Variants in RBFOX3 observed in about 807,000 individuals in gnomAD.
The protein encoded by RBFOX3 is RNA binding protein fox-1 homolog 3.
A neutral mutation model predicts 48.7 loss-of-function variants in RBFOX3; 17 were observed. That is an observed-to-expected ratio of 0.35 (90% CI 0.24 to 0.52). RBFOX3 has a LOEUF of 0.52. Among genes scored for constraint, RBFOX3 ranks in the 20% least tolerant of loss-of-function variants. The pLI, the probability that RBFOX3 is intolerant of heterozygous loss-of-function variation, is 0.94. For synonymous variants in RBFOX3, 212 were observed against 209.5 expected (o/e 1.01, Z -0.10); for missense variants, 382 against 497.5 (o/e 0.77, Z 2.21).
intron 2 of RBFOX3, among the ~76,000 whole-genome samples, chr17:79,462,230 G>A (rs1189125100): frequency 1.3e-5 from 2 of 152,202 alleles, no homozygotes; most frequent in African/African-American, 2.4e-5. Flanking sequence ...ACACTCATGA[G>A]ATGCATGAAC....
chr17:79,307,306 C>T (rs1021526234), intron 3 of RBFOX3, among the ~76,000 whole-genome samples: 11 of 152,190 alleles, frequency 7.2e-5, no homozygotes, highest in Admixed American at 1.3e-4. Flanking sequence ...AGGTCAGCCC[C>T]GGTGGGAGCC....
rs1374116348 is a variant in RBFOX3, at chr17:79,243,664, T to C, written c.-73-7859A>G. On this transcript the variant is annotated intron_variant, in intron 3 of 14. Coordinates refer to ENST00000693108, the MANE Select transcript of RBFOX3 (RefSeq NM_001350451.2). The surrounding 1 kb of genome is among the most constrained non-coding windows in gnomAD (Gnocchi z 7.9). ...CGCACACCTGTGGACTGAACTGAAC[T>C]CACTGGCCCACCCCTGAGCACCCTT... Among the ~76,000 whole-genome samples, 1 of 152,004 alleles carries C rather than the reference T, an allele frequency of 6.6e-6. No homozygotes were observed. The highest frequency in any genetic ancestry group is 2.4e-5 in the African/African-American group (1 of 41,374).
intron 1 of RBFOX3, among the ~76,000 whole-genome samples, chr17:79,517,192 T>C (rs2085362224): frequency 6.6e-6 from 1 of 152,052 alleles, no homozygotes; most frequent in East Asian, 1.9e-4. Flanking sequence ...ACGTCTGTAA[T>C]CCCAGCACTT....
chr17:79,090,128 G>A lies in RBFOX3; in HGVS notation c.*755C>T, dbSNP rs1320272929. ...AGAGCAAGTAAGTCCTTGGCCTCAG[G>A]GCCCACTTGGCCACACTTGGAGGTG... On this transcript the variant is annotated 3_prime_UTR_variant, in exon 15 of 15. Coordinates refer to ENST00000693108, the MANE Select transcript of RBFOX3 (RefSeq NM_001350451.2). The A allele has an allele frequency of 6.6e-6, 1 of 152,334 alleles. No individual in the cohort carries two copies. Among genetic ancestry groups the A allele is most frequent in the East Asian group, 1.9e-4 (1 of 5,200 alleles). 9.4% of individuals were successfully genotyped at this position (152,334 alleles called of 1,614,324 possible).
At chr17:79,495,340 G>A (rs373379046) in intron 1 of RBFOX3, among the ~76,000 whole-genome samples, 1 of 103,248 alleles carries the variant, frequency 9.7e-6, no homozygotes, top group East Asian at 2.7e-4. Flanking sequence ...GGGTGCAGGG[G>A]GCTTCCGGGG....
At chr17:79,422,438 C>G (rs906559668) in intron 2 of RBFOX3, among the ~76,000 whole-genome samples, 5 of 152,080 alleles carry the variant, frequency 3.3e-5, no homozygotes, top group Admixed American at 2.0e-4. Context: ...CCAGGAAGCC[C>G]AGGGGGTCAC....
At chr17:79,228,915 ATTGGAAATG>A (rs1192519603) in intron 4 of RBFOX3, among the ~76,000 whole-genome samples, 1 of 152,154 alleles carries the variant, frequency 6.6e-6, no homozygotes, top group Non-Finnish European at 1.5e-5. Flanking sequence ...CAACTCTGAT[ATTGGAAATG>A]TTCTCTCAAA....
chr17:79,130,472 C>T (rs1435326435), intron 4 of RBFOX3, among the ~76,000 whole-genome samples: 1 of 152,246 alleles, frequency 6.6e-6, no homozygotes, highest in South Asian at 2.1e-4. Context: ...CAGGCTGGGC[C>T]GCTGTGGTCC....
intron 1 of RBFOX3, among the ~76,000 whole-genome samples, chr17:79,587,308 G>A (rs1414846073): frequency 6.6e-6 from 1 of 152,188 alleles, no homozygotes; most frequent in Non-Finnish European, 1.5e-5. Context: ...GGGCAGCAGT[G>A]GTGCCCACAT....
At chr17:79,273,735 G>A (rs1031533854) in intron 3 of RBFOX3, among the ~76,000 whole-genome samples, 4 of 152,216 alleles carry the variant, frequency 2.6e-5, no homozygotes, top group Non-Finnish European at 5.9e-5. Flanking sequence ...GGATGGCTGT[G>A]GCCAGGTGCC....
rs916219951 is a variant in RBFOX3 at position 79,564,913 on chromosome 17, C to T, written c.-320+45913G>A. ...AAAATTAGCCGGGCGTGCTGGCACA[C>T]GCCTGTAGTCCCAGCTATTCAGGGA... is the stretch of plus-strand genomic sequence containing the variant. On this transcript the variant is annotated intron_variant, in intron 1 of 14. Coordinates refer to ENST00000693108, the MANE Select transcript of RBFOX3 (RefSeq NM_001350451.2). 2.1e-3 allele frequency among the ~76,000 whole-genome samples: 322 copies of T among 152,072 alleles called. 3 individuals are homozygous for T. Among genetic ancestry groups the T allele is most frequent in the African/African-American group, 7.1e-3 (296 of 41,486 alleles).
intron 1 of RBFOX3, among the ~76,000 whole-genome samples, chr17:79,602,988 C>CT (rs35479641): frequency 2.2e-3 from 219 of 99,150 alleles, no homozygotes; most frequent in African/African-American, 6.2e-3. Context: ...TTGAGCTACC[C>CT]TTTTTTTTTT....
intron 9 of RBFOX3, among the ~76,000 whole-genome samples, chr17:79,101,339 T>C (rs1225959774): frequency 6.6e-6 from 1 of 152,128 alleles, no homozygotes; most frequent in Non-Finnish European, 1.5e-5. Flanking sequence ...CCTGGGAAAG[T>C]GAGACTCCAG....
chr17:79,643,038 G>C, the RBFOX3 span, among the ~76,000 whole-genome samples: 7 of 152,128 alleles, frequency 4.6e-5, no homozygotes, highest in Non-Finnish European at 1.0e-4. Context: ...AGAGTTCAAG[G>C]TTGCAGTGAG....
intron 1 of RBFOX3, among the ~76,000 whole-genome samples, chr17:79,509,669 T>C (rs182413): frequency 0.97 from 147,498 of 152,148 alleles, 71,529 homozygotes; most frequent in Middle Eastern, 0.99. Flanking sequence ...CAGGGACCCG[T>C]CCCTTCCTTT....
At chr17:79,263,091 C>T (rs955334493) in intron 3 of RBFOX3, among the ~76,000 whole-genome samples, 4 of 152,196 alleles carry the variant, frequency 2.6e-5, no homozygotes, top group Admixed American at 2.6e-4. Context: ...GGGTAACTCG[C>T]CCAGGCCTAG....
At chr17:79,365,971 G>A (rs2057689808) in intron 2 of RBFOX3, among the ~76,000 whole-genome samples, 2 of 152,246 alleles carry the variant, frequency 1.3e-5, no homozygotes, top group South Asian at 2.1e-4. Context: ...ACCACGCCAC[G>A]GATGTCCTGC....
At chr17:79,498,864 T>C in intron 1 of RBFOX3, among the ~76,000 whole-genome samples, 2 of 45,434 alleles carry the variant, frequency 4.4e-5, no homozygotes, top group South Asian at 9.8e-4. Context: ...ATCTACCCAT[T>C]CGCTCATCCA....
chr17:79,524,593 G>A (rs1333839225), intron 1 of RBFOX3, among the ~76,000 whole-genome samples: 3 of 152,174 alleles, frequency 2.0e-5, no homozygotes, highest in Admixed American at 1.3e-4. Context: ...CCAACAACGT[G>A]CAGAACTGGG....
Sources: allele counts gnomAD v4.1 joint callset (sites outside exome capture counted in the v4.1 genomes callset), GRCh38; gene constraint gnomAD v4.1.1; non-coding constraint Gnocchi (gnomAD v3.1); transcripts MANE v1.5; gene names NCBI Gene and HGNC (gene_info 2026-07-23, HGNC 2026-07-21).